The following MAPK9 variants were observed in gnomAD, a reference collection of about 807,000 sequenced individuals.
MAPK9 encodes mitogen-activated protein kinase 9.
MAPK9 carries 30 observed loss-of-function variants against 57.1 expected under a neutral mutation model. The observed-to-expected ratio is 0.53, with a 90% CI of 0.39 to 0.71. The LOEUF (loss-of-function observed/expected upper bound fraction) is 0.71, where lower values mean the gene tolerates loss of function less well. Among genes scored for constraint, MAPK9 ranks in the 30% least tolerant of loss-of-function variants. The probability of loss-of-function intolerance (pLI) is 0.00; values close to 1 mark genes in which losing one functional copy is unlikely to be tolerated. For missense variants in MAPK9, 362 were observed against 521.0 expected (o/e 0.69, Z 2.97); for synonymous variants, 155 against 177.0 (o/e 0.88, Z 0.99).
chr5:180,242,044 C>G (rs1454829133), intron 8 of MAPK9, among the ~76,000 whole-genome samples: 1 of 152,056 alleles, frequency 6.6e-6, no homozygotes, highest in Non-Finnish European at 1.5e-5. Context: ...AGTTCAATAA[C>G]TTAGTTAAAT....
At chr5:180,282,699 C>T (rs1403585103) in intron 1 of MAPK9, among the ~76,000 whole-genome samples, 1 of 152,202 alleles carries the variant, frequency 6.6e-6, no homozygotes, top group African/African-American at 2.4e-5. Flanking sequence ...CTACCACCTG[C>T]TTTACGGAGG....
At chr5:180,262,606 T>G (rs1760097799) in intron 4 of MAPK9, among the ~76,000 whole-genome samples, 1 of 152,072 alleles carries the variant, frequency 6.6e-6, no homozygotes, top group Admixed American at 6.5e-5. Flanking sequence ...TGGATAGTTT[T>G]TGTATTTTTA....
intron 2 of MAPK9, among the ~76,000 whole-genome samples, chr5:180,271,257 A>C (rs1761280343): frequency 6.6e-6 from 1 of 152,248 alleles, no homozygotes; most frequent in African/African-American, 2.4e-5. Flanking sequence ...AAGCTTCCCC[A>C]CTTGTAGCTC....
intron 2 of MAPK9, among the ~76,000 whole-genome samples, chr5:180,278,756 A>G (rs1421679995): frequency 6.6e-6 from 1 of 151,710 alleles, no homozygotes; most frequent in Non-Finnish European, 1.5e-5. Context: ...CAACTCCCCA[A>G]GACCTCCGAC....
chr5:180,253,875 G>T (rs1758970446), intron 5 of MAPK9, among the ~76,000 whole-genome samples: 2 of 138,926 alleles, frequency 1.4e-5, no homozygotes, highest in Admixed American at 1.5e-4. Context: ...GGTGACACCT[G>T]TGGCTGCCTG....
chr5:180,251,132 C>A (rs1036348503), intron 5 of MAPK9, among the ~76,000 whole-genome samples: 1 of 152,152 alleles, frequency 6.6e-6, no homozygotes, highest in Non-Finnish European at 1.5e-5. Flanking sequence ...CAAGCAGACT[C>A]GGTGCTGGCG....
intron 5 of MAPK9, among the ~76,000 whole-genome samples, chr5:180,252,337 T>C (rs544518795): frequency 1.1e-4 from 17 of 152,300 alleles, no homozygotes; most frequent in African/African-American, 4.1e-4. Flanking sequence ...CACCTTGACA[T>C]GCACAGCAGC....
intron 5 of MAPK9, 117 bp downstream of exon 5, chr5:180,261,567 C>T: frequency 1.0e-6 from 1 of 997,738 alleles, no homozygotes. Flanking sequence ...CATATGATTC[C>T]ATCATCTATT....
intron 5 of MAPK9, among the ~76,000 whole-genome samples, chr5:180,255,654 T>C (rs371919354): frequency 3.9e-5 from 6 of 151,968 alleles, no homozygotes; most frequent in South Asian, 2.1e-4. Context: ...GTGCAAAGCA[T>C]TTACACGCTC....
At chr5:180,289,484 C>G (rs1763046393) in intron 1 of MAPK9, among the ~76,000 whole-genome samples, 1 of 152,072 alleles carries the variant, frequency 6.6e-6, no homozygotes, top group African/African-American at 2.4e-5. Flanking sequence ...AAGTTAAAAG[C>G]CAAAAGAGAA....
intron 6 of MAPK9, 127 bp downstream of exon 6, chr5:180,248,846 C>G: frequency 1.2e-6 from 1 of 829,460 alleles, no homozygotes; most frequent in African/African-American, 1.7e-5. Flanking sequence ...CTGGATCATG[C>G]TATATTCTGG....
At chr5:180,243,228 G>A (rs897349401) in intron 7 of MAPK9, among the ~76,000 whole-genome samples, 3 of 152,150 alleles carry the variant, frequency 2.0e-5, no homozygotes, top group African/African-American at 7.2e-5. Context: ...CCAAGCAACT[G>A]GGCTTAGACT....
chr5:180,239,532 G>T (rs978306171), intron 10 of MAPK9, among the ~76,000 whole-genome samples: 1 of 152,116 alleles, frequency 6.6e-6, no homozygotes, highest in African/African-American at 2.4e-5. Context: ...TAATCTTATA[G>T]TGGTAATAAT....
intron 10 of MAPK9, among the ~76,000 whole-genome samples, chr5:180,238,698 TC>T (rs1415598600): frequency 7.0e-6 from 1 of 142,618 alleles, no homozygotes; most frequent in East Asian, 2.3e-4. Context: ...AACCTCCACC[TC>T]CTGGATTCAA....
intron 10 of MAPK9, among the ~76,000 whole-genome samples, chr5:180,239,083 G>A (rs1757438418): frequency 6.6e-6 from 1 of 152,180 alleles, no homozygotes; most frequent in Non-Finnish European, 1.5e-5. Context: ...GTTCTCCAAA[G>A]GTAACCAGCA....
chr5:180,248,565 T>C (rs1205973854), intron 6 of MAPK9, among the ~76,000 whole-genome samples: 1 of 152,094 alleles, frequency 6.6e-6, no homozygotes, highest in Non-Finnish European at 1.5e-5. Context: ...AAAAAAACAA[T>C]ATGCAGACCA....
At chr5:180,263,994 C>T (rs945287315) in intron 4 of MAPK9, among the ~76,000 whole-genome samples, 18 of 152,146 alleles carry the variant, frequency 1.2e-4, no homozygotes, top group Admixed American at 7.2e-4. Context: ...CGTGAGCCAC[C>T]GCACCCGGCC....
intron 4 of MAPK9, among the ~76,000 whole-genome samples, chr5:180,262,608 G>A (rs1760098054): frequency 6.6e-6 from 1 of 150,612 alleles, no homozygotes; most frequent in Non-Finnish European, 1.5e-5. Flanking sequence ...GATAGTTTTT[G>A]TATTTTTAGT....
At chr5:180,284,871 A>G (rs1300795822) in intron 1 of MAPK9, among the ~76,000 whole-genome samples, 1 of 152,214 alleles carries the variant, frequency 6.6e-6, no homozygotes, top group African/African-American at 2.4e-5. Context: ...ACCAAGTTGA[A>G]GAAGAGAACA....
Sources: allele counts gnomAD v4.1 joint callset (sites outside exome capture counted in the v4.1 genomes callset), GRCh38; gene constraint gnomAD v4.1.1; transcripts MANE v1.5; gene names NCBI Gene and HGNC (gene_info 2026-07-23, HGNC 2026-07-21).